MCTP2: variants seen among roughly 807,000 people sequenced by gnomAD.
The protein encoded by MCTP2 is multiple C2 and transmembrane domain containing 2, also known as multiple C2 and transmembrane domain-containing protein 2.
In MCTP2, 132 loss-of-function variants were observed where a neutral mutation model predicts 111.6. The observed-to-expected ratio is 1.18, with a 90% CI of 1.03 to 1.37. MCTP2 has a LOEUF of 1.37. Ranked by LOEUF, MCTP2 falls within the 40% of genes most tolerant of loss-of-function variation. The probability of loss-of-function intolerance (pLI) is 0.00; values close to 1 mark genes in which losing one functional copy is unlikely to be tolerated. For missense variants in MCTP2, 1,183 were observed against 1,067.9 expected, an observed-to-expected ratio of 1.11 and a Z score of -1.50; for synonymous variants, 395 against 387.7, an observed-to-expected ratio of 1.02 and a Z score of -0.22.
chr15:94,411,595 C>T (rs1012548944), intron 17 of MCTP2, among the ~76,000 whole-genome samples: 6 of 152,054 alleles, frequency 3.9e-5, no homozygotes, highest in African/African-American at 1.2e-4. Flanking sequence ...TTTACTACAG[C>T]GTGTTGTACT....
chr15:94,237,966 C>A (rs184683139), intron 1 of MCTP2, among the ~76,000 whole-genome samples: 1 of 152,080 alleles, frequency 6.6e-6, no homozygotes, highest in Non-Finnish European at 1.5e-5. Flanking sequence ...GAAGCCACCC[C>A]CCGCCCCGCG....
chr15:94,403,510 C>T (rs3784649), intron 17 of MCTP2, among the ~76,000 whole-genome samples: 18,546 of 152,230 alleles, frequency 0.12, 1,302 homozygotes, highest in African/African-American at 0.13. Flanking sequence ...TCCTCTTTCT[C>T]GAGTTTAGTT....
intron 21 of MCTP2, chr15:94,476,488 G>A (rs2152545790): frequency 7.3e-6 from 3 of 412,412 alleles, no homozygotes; most frequent in African/African-American, 2.1e-5. Context: ...AGCAACATGT[G>A]CTTGACTTGA....
intron 20 of MCTP2, among the ~76,000 whole-genome samples, chr15:94,469,073 A>G (rs1051695282): frequency 6.6e-6 from 1 of 152,228 alleles, no homozygotes; most frequent in African/African-American, 2.4e-5. Flanking sequence ...ATTACATTCT[A>G]AATATGTGAA....
intron 8 of MCTP2, among the ~76,000 whole-genome samples, chr15:94,352,580 A>G (rs1167962375): frequency 1.3e-5 from 2 of 152,186 alleles, no homozygotes; most frequent in African/African-American, 2.4e-5. Flanking sequence ...GAAACTTTTC[A>G]CTATCTCTTG....
In MCTP2 at chr15:94,233,546, C is replaced by T. The variant is rs578186276; in HGVS notation, c.-66+1882C>T. ...TTTCTTACAGCTGCAAGATGATTAGCGGTCTCTTGTCACCTGGAAAGGACT... is the reference window on the plus strand; with the variant it reads ...TTTCTTACAGCTGCAAGATGATTAGTGGTCTCTTGTCACCTGGAAAGGACT... On this transcript the variant is annotated intron_variant, in intron 1 of 22. Transcript: ENST00000357742. Among the ~76,000 whole-genome samples the T allele has an allele frequency of 2.6e-5, 4 of 152,172 alleles. No homozygotes were observed. In the East Asian group the frequency reaches 7.8e-4, roughly 29 times the overall value.
chr15:94,319,571 C>T (rs979646364), intron 4 of MCTP2, among the ~76,000 whole-genome samples: 3 of 152,202 alleles, frequency 2.0e-5, no homozygotes, highest in Admixed American at 6.5e-5. Flanking sequence ...CCAGGAACCA[C>T]ACTTGGAGAA....
intron 19 of MCTP2, among the ~76,000 whole-genome samples, chr15:94,444,265 C>T (rs1169832688): frequency 6.6e-6 from 1 of 152,220 alleles, no homozygotes; most frequent in Non-Finnish European, 1.5e-5. Context: ...TGTGGAACTT[C>T]CACGCCCTCT....
chr15:94,383,885 G>C (rs2080299209), intron 12 of MCTP2, 137 bp from the exon 13 acceptor site: 1 of 631,148 alleles, frequency 1.6e-6, no homozygotes, highest in African/African-American at 1.8e-5. Context: ...CCCACACAGG[G>C]CCTCCATGAC....
At chr15:94,326,450 A>G (rs918268926) in intron 4 of MCTP2, among the ~76,000 whole-genome samples, 3 of 152,228 alleles carry the variant, frequency 2.0e-5, no homozygotes, top group African/African-American at 7.2e-5. Flanking sequence ...GAGCATTTCA[A>G]GATTCTCATT....
At chr15:94,281,480 A>C (rs2074484002) in intron 1 of MCTP2, among the ~76,000 whole-genome samples, 1 of 152,198 alleles carries the variant, frequency 6.6e-6, no homozygotes, top group African/African-American at 2.4e-5. Context: ...TCTTGAAGAC[A>C]ACATGCAGTT....
intron 17 of MCTP2, among the ~76,000 whole-genome samples, chr15:94,437,165 A>G (rs1170693476): frequency 6.8e-6 from 1 of 147,478 alleles, no homozygotes; most frequent in Admixed American, 6.7e-5. Flanking sequence ...CAAAAAAAAA[A>G]AAAAAAAAAA....
At chr15:94,399,408 T>C in intron 15 of MCTP2, 2 of 197,010 alleles carry the variant, frequency 1.0e-5, no homozygotes, top group Non-Finnish European at 2.1e-5. Context: ...AGTCTGGTGG[T>C]TTGAACAAGT....
chr15:94,286,156 T>A (rs1160719414), intron 1 of MCTP2, among the ~76,000 whole-genome samples: 2 of 152,180 alleles, frequency 1.3e-5, no homozygotes, highest in Non-Finnish European at 2.9e-5. Context: ...TTATGAAGGA[T>A]AATCTCCTTT....
intron 14 of MCTP2, among the ~76,000 whole-genome samples, chr15:94,393,649 A>G (rs913983674): frequency 3.3e-5 from 5 of 152,218 alleles, no homozygotes; most frequent in African/African-American, 1.2e-4. Flanking sequence ...ATAGACTGGT[A>G]AAAAATACTG....
chr15:94,239,666 A>G (rs1241784415), intron 1 of MCTP2, among the ~76,000 whole-genome samples: 1 of 152,242 alleles, frequency 6.6e-6, no homozygotes, highest in East Asian at 1.9e-4. Context: ...CTAAACAGGT[A>G]GAATTTATCT....
chr15:94,446,460 C>T (rs748192947), intron 19 of MCTP2, among the ~76,000 whole-genome samples: 8 of 152,170 alleles, frequency 5.3e-5, no homozygotes, highest in African/African-American at 1.4e-4. Context: ...ATGAAAATTG[C>T]ATTAATTTTC....
intron 4 of MCTP2, among the ~76,000 whole-genome samples, chr15:94,333,050 C>T (rs560341845): frequency 2.0e-4 from 30 of 152,292 alleles, no homozygotes; most frequent in Admixed American, 5.9e-4. Context: ...GCCCGGCCAA[C>T]GTGGTGAAAC....
intron 4 of MCTP2, among the ~76,000 whole-genome samples, chr15:94,329,054 GC>G (rs2077020397): frequency 6.6e-6 from 1 of 152,268 alleles, no homozygotes; most frequent in African/African-American, 2.4e-5. Flanking sequence ...CCAGCACAAG[GC>G]AGAAGCTGCG....
Sources: gnomAD v4.1 joint callset for allele counts (sites outside exome capture counted in the v4.1 genomes callset) on GRCh38, gnomAD v4.1.1 for gene constraint, MANE v1.5 for transcripts, NCBI Gene and HGNC (gene_info 2026-07-23, HGNC 2026-07-21) for gene names.